Variants in STK3 observed in about 807,000 individuals in gnomAD.
STK3 encodes the protein serine/threonine-protein kinase 3.
Under a neutral mutation model 58.0 loss-of-function variants are expected in STK3, and 41 were observed. The ratio of observed to expected loss-of-function variants is 0.71; its 90% CI spans 0.55 to 0.92. The LOEUF (loss-of-function observed/expected upper bound fraction) is 0.92, where lower values mean the gene tolerates loss of function less well. Ranked by LOEUF, STK3 falls within the 40% of genes least tolerant of loss-of-function variation. The pLI is 0.00. For synonymous variants in STK3, 170 were observed against 191.0 expected, an observed-to-expected ratio of 0.89 and a Z score of 0.91; for missense variants, 479 against 602.7, an observed-to-expected ratio of 0.79 and a Z score of 2.15.
Position 98,610,404 on chromosome 8 carries a change from C to T in STK3, c.685-14235G>A, listed in dbSNP as rs536968764. The stretch of plus-strand genomic sequence containing the variant: ...TATTAGAAGATCAGAATATTATATG[C>T]AATACTGCCTAGCTTCATTTTACCA... On this transcript the variant is annotated intron_variant, in intron 6 of 10. Transcript: ENST00000419617. 2.6e-5 allele frequency among the ~76,000 whole-genome samples: 4 copies of T among 152,302 alleles called. No homozygotes were observed. The East Asian group carries it at 7.7e-4, about 29-fold the overall frequency.
intron 8 of STK3, among the ~76,000 whole-genome samples, chr8:98,550,305 C>G (rs751006598): frequency 6.6e-6 from 1 of 152,046 alleles, no homozygotes; most frequent in Non-Finnish European, 1.5e-5. Context: ...TTTAGAAGAC[C>G]TCTTCATTCT....
At chr8:98,733,571 C>T (rs1828361938) in intron 4 of STK3, among the ~76,000 whole-genome samples, 1 of 152,220 alleles carries the variant, frequency 6.6e-6, no homozygotes, top group South Asian at 2.1e-4. Context: ...TCCATGAAAC[C>T]AGTCCCTGGT....
chr8:98,654,655 T>G (rs937828879), intron 6 of STK3, among the ~76,000 whole-genome samples: 5 of 152,132 alleles, frequency 3.3e-5, no homozygotes, highest in African/African-American at 1.2e-4. Flanking sequence ...ACAAAATCAA[T>G]GTGCAAAAAT....
At chr8:98,611,593 A>T (rs982561423) in intron 6 of STK3, among the ~76,000 whole-genome samples, 3 of 152,156 alleles carry the variant, frequency 2.0e-5, no homozygotes, top group African/African-American at 4.8e-5. Context: ...ATAAAAAAAA[A>T]TTCATATATT....
downstream of STK3, among the ~76,000 whole-genome samples, chr8:98,370,503 A>G (rs1464563855): frequency 1.3e-5 from 2 of 152,122 alleles, no homozygotes; most frequent in African/African-American, 4.8e-5. Context: ...GAAATATGCT[A>G]GAGAGGACTG....
intron 3 of STK3, among the ~76,000 whole-genome samples, chr8:98,863,181 A>G (rs1836997337): frequency 1.3e-5 from 2 of 152,218 alleles, no homozygotes; most frequent in South Asian, 4.1e-4. Flanking sequence ...CATCAAGATA[A>G]TATGAAGTAT....
intron 3 of STK3, among the ~76,000 whole-genome samples, chr8:98,839,049 T>G (rs866689772): frequency 8.8e-5 from 13 of 148,168 alleles, no homozygotes; most frequent in East Asian, 2.0e-4. Flanking sequence ...GTTTGATTTT[T>G]GGGGGGGGGC....
intron 7 of STK3, among the ~76,000 whole-genome samples, chr8:98,592,733 CTTTATTTATTTA>C (rs10557286): frequency 0.012 from 1,707 of 139,606 alleles, 43 homozygotes; most frequent in African/African-American, 0.041. Context: ...CACTGACTTA[CTTTATTTATTTA>C]TTTATTTATT....
At chr8:98,495,719 G>C (rs1425141694) in intron 10 of STK3, among the ~76,000 whole-genome samples, 1 of 152,134 alleles carries the variant, frequency 6.6e-6, no homozygotes, top group Middle Eastern at 3.2e-3. Context: ...TTCCAAATGT[G>C]ATCATATGCT....
At chr8:98,598,398 A>C (rs1375241587) in intron 6 of STK3, 1 of 985,302 alleles carries the variant, frequency 1.0e-6, no homozygotes, top group Non-Finnish European at 1.2e-6. Flanking sequence ...TTGAACAAGC[A>C]TGAACACCGA....
downstream of STK3, among the ~76,000 whole-genome samples, chr8:98,399,312 A>G (rs541218157): frequency 6.6e-6 from 1 of 152,334 alleles, no homozygotes; most frequent in African/African-American, 2.4e-5. Flanking sequence ...TGCTCACCAC[A>G]TATGTTTCTG....
chr8:98,445,271 T>G (rs1440351496), intron 1 of STK3, among the ~76,000 whole-genome samples: 2 of 152,182 alleles, frequency 1.3e-5, no homozygotes, highest in African/African-American at 4.8e-5. Flanking sequence ...ATTTATCCAT[T>G]CATCAGCTGA....
At chr8:98,847,541 A>C (rs1486334838) in intron 3 of STK3, among the ~76,000 whole-genome samples, 2 of 152,032 alleles carry the variant, frequency 1.3e-5, no homozygotes, top group Non-Finnish European at 2.9e-5. Context: ...GCTGTGTCCC[A>C]ACACCCCAAG....
chr8:98,833,832 C>A (rs376216015), intron 3 of STK3, among the ~76,000 whole-genome samples: 190 of 152,236 alleles, frequency 1.2e-3, no homozygotes, highest in African/African-American at 4.3e-3. Context: ...TGGTTTATAG[C>A]CCCATCTCTG....
At chr8:98,471,456 C>T (rs1820913680) in intron 10 of STK3, among the ~76,000 whole-genome samples, 1 of 151,256 alleles carries the variant, frequency 6.6e-6, no homozygotes, top group South Asian at 2.1e-4. Flanking sequence ...GCTAACCTAC[C>T]AAACATCATG....
chr8:98,905,429 G>C, intron 1 of STK3: 1 of 1,298,166 alleles, frequency 7.7e-7, no homozygotes, highest in Non-Finnish European at 1.1e-6. Context: ...TGTTACCCAC[G>C]TGTAACTTGG....
intron 6 of STK3, among the ~76,000 whole-genome samples, chr8:98,644,195 G>A (rs951661241): frequency 6.6e-6 from 1 of 152,040 alleles, no homozygotes; most frequent in East Asian, 1.9e-4. Context: ...TAAAATGTTT[G>A]CCTCCTTACT....
intron 1 of STK3, among the ~76,000 whole-genome samples, chr8:98,789,547 G>A (rs536532994): frequency 6.6e-6 from 1 of 152,112 alleles, no homozygotes; most frequent in South Asian, 2.1e-4. Context: ...ATCCAAATAA[G>A]CTCAATTAGA....
chr8:98,894,537 C>T (rs1377529164), intron 1 of STK3, among the ~76,000 whole-genome samples: 1 of 152,178 alleles, frequency 6.6e-6, no homozygotes, highest in African/African-American at 2.4e-5. Flanking sequence ...CCTTAAAGTG[C>T]TCTGTTTGTT....
Sources: gnomAD v4.1 joint callset for allele counts (sites outside exome capture counted in the v4.1 genomes callset) on GRCh38, gnomAD v4.1.1 for gene constraint, MANE v1.5 for transcripts, NCBI Gene and HGNC (gene_info 2026-07-23, HGNC 2026-07-21) for gene names.